Variants in PCDH9 observed in about 807,000 individuals in gnomAD.
PCDH9 encodes protocadherin-9.
In PCDH9, 24 loss-of-function variants were observed where a neutral mutation model predicts 70.6. The ratio of observed to expected loss-of-function variants is 0.34; its 90% CI spans 0.25 to 0.48. The LOEUF is 0.48. Among genes scored for constraint, PCDH9 ranks in the 20% least tolerant of loss-of-function variants. PCDH9 has a pLI of 0.99. For missense variants in PCDH9, 1,281 were observed against 1,503.6 expected, an observed-to-expected ratio of 0.85 and a Z score of 2.45; for synonymous variants, 562 against 558.5, an observed-to-expected ratio of 1.01 and a Z score of -0.09.
chr13:66,424,847 G>T (rs1222528760), intron 4 of PCDH9, among the ~76,000 whole-genome samples: 1 of 151,866 alleles, frequency 6.6e-6, no homozygotes, highest in African/African-American at 2.4e-5. Context: ...TCTTTTGAAT[G>T]ATTTTGGTAA....
chr13:66,763,902 A>C (rs757565356), intron 3 of PCDH9, among the ~76,000 whole-genome samples: 4 of 151,890 alleles, frequency 2.6e-5, no homozygotes, highest in African/African-American at 4.8e-5. Flanking sequence ...GGATTCAAGC[A>C]ATTCTTCTGT....
At chr13:66,758,498 C>G (rs1179006153) in intron 3 of PCDH9, among the ~76,000 whole-genome samples, 1 of 151,964 alleles carries the variant, frequency 6.6e-6, no homozygotes, top group African/African-American at 2.4e-5. Context: ...CATGTATACA[C>G]TGTGTAATGA....
At chr13:67,058,174 A>C (rs1343892976) in intron 2 of PCDH9, among the ~76,000 whole-genome samples, 1 of 152,170 alleles carries the variant, frequency 6.6e-6, no homozygotes, top group Non-Finnish European at 1.5e-5. Flanking sequence ...CAGAAATTTT[A>C]TCTCTCAGTA....
intron 4 of PCDH9, among the ~76,000 whole-genome samples, chr13:66,370,513 A>ATT (rs34902558): frequency 0.023 from 2,997 of 129,318 alleles, 120 homozygotes; most frequent in African/African-American, 0.08. Flanking sequence ...TTATGTATTC[A>ATT]TTTTTTTTTT....
chr13:66,638,802 G>A (rs1211034612), intron 3 of PCDH9, among the ~76,000 whole-genome samples: 1 of 152,086 alleles, frequency 6.6e-6, no homozygotes, highest in African/African-American at 2.4e-5. Context: ...GATTTCTCAC[G>A]GGAAAAGTTA....
intron 2 of PCDH9, among the ~76,000 whole-genome samples, chr13:66,971,034 C>T (rs928370436): frequency 6.6e-6 from 1 of 151,920 alleles, no homozygotes; most frequent in African/African-American, 2.4e-5. Flanking sequence ...AGATCTGTGG[C>T]CATGCATGAG....
chr13:66,472,028 T>C (rs1045152714), intron 4 of PCDH9, among the ~76,000 whole-genome samples: 4 of 151,814 alleles, frequency 2.6e-5, no homozygotes, highest in Admixed American at 6.6e-5. Flanking sequence ...TTGGTCATCA[T>C]GGTGAAACCC....
chr13:67,009,150 G>A (rs996471726), intron 2 of PCDH9, among the ~76,000 whole-genome samples: 1 of 152,036 alleles, frequency 6.6e-6, no homozygotes, highest in Non-Finnish European at 1.5e-5. Flanking sequence ...TCGTTAAAAC[G>A]CAGGCTACTG....
At chr13:66,438,271 A>G (rs1397641081) in intron 4 of PCDH9, among the ~76,000 whole-genome samples, 2 of 152,024 alleles carry the variant, frequency 1.3e-5, no homozygotes, top group African/African-American at 4.8e-5. Flanking sequence ...GTACACTTCA[A>G]TTTAACTCTA....
intron 2 of PCDH9, chr13:67,205,811 A>C (rs2089325893): frequency 6.6e-6 from 1 of 152,216 alleles, no homozygotes; most frequent in African/African-American, 2.4e-5. Flanking sequence ...TTTTATCAAT[A>C]TACGTCCATT....
rs929303600 is a variant in PCDH9 at position 66,350,419 on chromosome 13, G to A, written c.3341-45391C>T. Among the ~76,000 whole-genome samples, 2 of 152,026 alleles carry A rather than the reference G, an allele frequency of 1.3e-5. 1 individual carries two copies. Among genetic ancestry groups the A allele is most frequent in the Admixed American group, 1.3e-4 (2 of 15,250 alleles). On this transcript the variant is annotated intron_variant, in intron 4 of 4. Transcript: ENST00000377865. Reference sequence around the variant, plus strand: ...TCTCTTGGAGTTATGTGACATCACTGCCCACTCCTTCTCACATGTCTTAGT... The same window carrying A: ...TCTCTTGGAGTTATGTGACATCACTACCCACTCCTTCTCACATGTCTTAGT...
chr13:67,190,146 C>G (rs1274742608), intron 2 of PCDH9, among the ~76,000 whole-genome samples: 1 of 151,898 alleles, frequency 6.6e-6, no homozygotes, highest in Non-Finnish European at 1.5e-5. Context: ...AAATTGTACT[C>G]TAAATTCCTT....
At chr13:66,602,618 A>T (rs2077176991) in intron 4 of PCDH9, among the ~76,000 whole-genome samples, 1 of 2,020 alleles carries the variant, frequency 5.0e-4, no homozygotes, top group African/African-American at 5.3e-4. Flanking sequence ...AAAAATTTTT[A>T]AAAGTAAAAG....
chr13:66,876,296 C>T (rs554772778), intron 3 of PCDH9, among the ~76,000 whole-genome samples: 2 of 152,116 alleles, frequency 1.3e-5, no homozygotes, highest in African/African-American at 4.8e-5. Flanking sequence ...TCTTTCTCAG[C>T]ATAAACATAA....
At chr13:67,123,742 G>A (rs1012050528) in intron 2 of PCDH9, among the ~76,000 whole-genome samples, 14 of 151,802 alleles carry the variant, frequency 9.2e-5, no homozygotes, top group African/African-American at 3.4e-4. Context: ...AGAACAAATT[G>A]GTTCCAAATA....
At chr13:66,864,737 G>A (rs954867781) in intron 3 of PCDH9, among the ~76,000 whole-genome samples, 12 of 152,280 alleles carry the variant, frequency 7.9e-5, no homozygotes, top group African/African-American at 2.9e-4. Flanking sequence ...GGACTGCACT[G>A]CTTGTTTGTT....
chr13:66,396,339 A>T, intron 4 of PCDH9, among the ~76,000 whole-genome samples: 1 of 152,332 alleles, frequency 6.6e-6, no homozygotes. Context: ...AGACAAGAAC[A>T]TAATCTAACC....
chr13:67,019,982 C>A (rs1308253297), intron 2 of PCDH9, among the ~76,000 whole-genome samples: 1 of 152,192 alleles, frequency 6.6e-6, no homozygotes, highest in Non-Finnish European at 1.5e-5. Context: ...ACTAAGAATT[C>A]TTTAGCTATA....
chr13:66,373,570 A>C (rs1282179607), intron 4 of PCDH9, among the ~76,000 whole-genome samples: 2 of 152,050 alleles, frequency 1.3e-5, no homozygotes, highest in Non-Finnish European at 2.9e-5. Flanking sequence ...AGAAAGAACC[A>C]CAGATACACT....
Sources: allele counts gnomAD v4.1 joint callset (sites outside exome capture counted in the v4.1 genomes callset), GRCh38; gene constraint gnomAD v4.1.1; transcripts MANE v1.5; gene names NCBI Gene and HGNC (gene_info 2026-07-23, HGNC 2026-07-21).